SGCZ: variants seen among roughly 807,000 people sequenced by gnomAD.
The protein encoded by SGCZ is sarcoglycan zeta, also known as zeta-sarcoglycan.
Under a neutral mutation model 41.3 loss-of-function variants are expected in SGCZ, and 40 were observed. The observed-to-expected ratio is 0.97, with a 90% CI of 0.75 to 1.26. The LOEUF is 1.26. Ranked by LOEUF, SGCZ falls within the 50% of genes most tolerant of loss-of-function variation. The probability of loss-of-function intolerance (pLI) is 0.00; values close to 1 mark genes in which losing one functional copy is unlikely to be tolerated. For missense variants in SGCZ, 552 were observed against 369.8 expected (o/e 1.49, Z -4.04); for synonymous variants, 206 against 137.5 (o/e 1.50, Z -3.49).
chr8:15,160,272 G>C (rs995693746), intron 1 of SGCZ, among the ~76,000 whole-genome samples: 31 of 152,098 alleles, frequency 2.0e-4, no homozygotes, highest in African/African-American at 6.5e-4. Context: ...CTCAAGATTG[G>C]TCCATATTGT....
intron 1 of SGCZ, among the ~76,000 whole-genome samples, chr8:14,718,719 C>A (rs1484585840): frequency 6.6e-6 from 1 of 151,670 alleles, no homozygotes; most frequent in Admixed American, 6.6e-5. Flanking sequence ...TTTAATGCCA[C>A]CCTGATCCAT....
At chr8:14,676,559 C>T (rs993875627) in intron 1 of SGCZ, among the ~76,000 whole-genome samples, 1 of 152,090 alleles carries the variant, frequency 6.6e-6, no homozygotes, top group Non-Finnish European at 1.5e-5. Context: ...GATTTAACTG[C>T]CTCACAGGAA....
At chr8:14,468,144 T>G (rs1452220999) in intron 2 of SGCZ, among the ~76,000 whole-genome samples, 1 of 152,040 alleles carries the variant, frequency 6.6e-6, no homozygotes, top group Non-Finnish European at 1.5e-5. Flanking sequence ...TCATTCCAGT[T>G]CCATCACTTT....
At chr8:14,984,498 C>T (rs1801767745) in intron 1 of SGCZ, among the ~76,000 whole-genome samples, 1 of 151,874 alleles carries the variant, frequency 6.6e-6, no homozygotes, top group Non-Finnish European at 1.5e-5. Flanking sequence ...TATTTCTTAT[C>T]TGATATTGTT....
chr8:14,449,355 C>T (rs1211128656), intron 2 of SGCZ, among the ~76,000 whole-genome samples: 1 of 152,144 alleles, frequency 6.6e-6, no homozygotes, highest in African/African-American at 2.4e-5. Context: ...GAATGATGTG[C>T]AATACCATGG....
intron 5 of SGCZ, among the ~76,000 whole-genome samples, chr8:14,112,512 G>C (rs1348723050): frequency 6.6e-6 from 1 of 151,980 alleles, no homozygotes; most frequent in Non-Finnish European, 1.5e-5. Flanking sequence ...CTTCAAATTT[G>C]AATCTGTGTT....
At chr8:14,611,063 T>C (rs4831299) in intron 1 of SGCZ, among the ~76,000 whole-genome samples, 22,207 of 152,154 alleles carry the variant, frequency 0.15, 2,059 homozygotes, top group South Asian at 0.22. Flanking sequence ...TATTGGAAGA[T>C]AGTAAAATAA....
chr8:14,409,224 A>G (rs573964064), intron 2 of SGCZ, among the ~76,000 whole-genome samples: 1 of 152,272 alleles, frequency 6.6e-6, no homozygotes, highest in South Asian at 2.1e-4. Flanking sequence ...GAAAATTAAT[A>G]TGAGCATGTA....
intron 1 of SGCZ, among the ~76,000 whole-genome samples, chr8:15,117,357 T>C (rs971182777): frequency 8.0e-5 from 12 of 149,214 alleles, no homozygotes; most frequent in African/African-American, 3.0e-4. Flanking sequence ...AGACTCCATC[T>C]CAAAAAAAAA....
chr8:14,367,639 A>T (rs1803761134), intron 2 of SGCZ, among the ~76,000 whole-genome samples: 2 of 152,024 alleles, frequency 1.3e-5, no homozygotes, highest in African/African-American at 4.8e-5. Context: ...TAGGTGGGAG[A>T]GCATGTGTAA....
At chr8:14,705,190 AT>A (rs1306960149) in intron 1 of SGCZ, among the ~76,000 whole-genome samples, 1 of 151,888 alleles carries the variant, frequency 6.6e-6, no homozygotes, top group African/African-American at 2.4e-5. Flanking sequence ...AATTCTAATG[AT>A]TTAGTTGAAT....
chr8:14,537,570 C>A (rs1465202065), intron 2 of SGCZ, among the ~76,000 whole-genome samples: 1 of 124,806 alleles, frequency 8.0e-6, no homozygotes, highest in Non-Finnish European at 1.8e-5. Context: ...CTTTTTTTTT[C>A]ACTTCTTGAG....
In SGCZ at chr8:14,479,671, A is replaced by T. The variant is rs112498448; in HGVS notation, c.234+75061T>A. On this transcript the variant is annotated intron_variant, in intron 2 of 7. Transcript: ENST00000382080. The stretch of plus-strand genomic sequence containing the variant: ...AAAACAACAAAATGGAGTTAATTTA[A>T]TGTGATAAAAACTAACAACTTTCTT... 3.9e-3 allele frequency among the ~76,000 whole-genome samples: 585 copies of T among 151,100 alleles called. 7 individuals are homozygous for T. The highest frequency in any genetic ancestry group is 0.013 in the African/African-American group (553 of 41,136).
At chr8:15,120,105 C>A (rs532269452) in intron 1 of SGCZ, among the ~76,000 whole-genome samples, 1 of 152,300 alleles carries the variant, frequency 6.6e-6, no homozygotes, top group South Asian at 2.1e-4. Context: ...CTCGGCCTTC[C>A]GAAGTGTTGG....
chr8:14,933,130 T>G (rs1354991613), intron 1 of SGCZ, among the ~76,000 whole-genome samples: 1 of 151,920 alleles, frequency 6.6e-6, no homozygotes, highest in Non-Finnish European at 1.5e-5. Context: ...GGTAACATAG[T>G]GTTTGGCTCA....
In SGCZ at chr8:14,730,434, C is replaced by G. The variant is rs116046865; in HGVS notation, c.40-175508G>C. Reference sequence around the variant, plus strand: ...TTAGAATACTAAAGTGCAACCTGCTCTTGTATGTTCTATTTTTTTTTCTTA... The same window carrying G: ...TTAGAATACTAAAGTGCAACCTGCTGTTGTATGTTCTATTTTTTTTTCTTA... On this transcript the variant is annotated intron_variant, in intron 1 of 7. Coordinates refer to ENST00000382080, the MANE Select transcript of SGCZ (RefSeq NM_139167.4). Among the ~76,000 whole-genome samples, 1,410 of 150,734 alleles carry G rather than the reference C, an allele frequency of 9.4e-3. 17 individuals carry two copies. The highest frequency in any genetic ancestry group is 0.031 in the Middle Eastern group (9 of 294).
At chr8:14,900,940 C>T (rs1390643634) in intron 1 of SGCZ, among the ~76,000 whole-genome samples, 1 of 152,140 alleles carries the variant, frequency 6.6e-6, no homozygotes, top group Non-Finnish European at 1.5e-5. Flanking sequence ...CAAACCCTAC[C>T]TATAAAGTAT....
intron 1 of SGCZ, among the ~76,000 whole-genome samples, chr8:14,855,575 G>A (rs184408260): frequency 6.6e-6 from 1 of 152,204 alleles, no homozygotes; most frequent in East Asian, 1.9e-4. Context: ...ATCCCTTCTA[G>A]CCACCAAGTA....
At position 15,128,356 on chromosome 8, in the gene SGCZ, C is replaced by T. The variant is rs150265497; in HGVS notation, c.39+109229G>A. 3.9e-5 allele frequency among the ~76,000 whole-genome samples: 6 copies of T among 152,322 alleles called. No homozygotes were observed. The East Asian group carries it at 1.2e-3, about 29-fold the overall frequency. ...GGCCCATTTATTCTCAGCATTTTAC[C>T]TCTGAGGAATGAAGTCTTGTCTCTG... On this transcript the variant is annotated intron_variant, in intron 1 of 7. Coordinates refer to ENST00000382080, the MANE Select transcript of SGCZ (RefSeq NM_139167.4).
Sources: allele counts gnomAD v4.1 joint callset (sites outside exome capture counted in the v4.1 genomes callset), GRCh38; gene constraint gnomAD v4.1.1; transcripts MANE v1.5; gene names NCBI Gene and HGNC (gene_info 2026-07-23, HGNC 2026-07-21).